Variants in RALGPS1 observed in about 807,000 individuals in gnomAD.
RALGPS1 encodes the protein Ral GEF with PH domain and SH3 binding motif 1.
In RALGPS1, 19 loss-of-function variants were observed where a neutral mutation model predicts 78.8. The observed-to-expected ratio is 0.24, with a 90% CI of 0.17 to 0.35. The LOEUF (loss-of-function observed/expected upper bound fraction) is 0.35, where lower values mean the gene tolerates loss of function less well. Among genes scored for constraint, RALGPS1 ranks in the 10% least tolerant of loss-of-function variants. RALGPS1 has a pLI of 1.00. For synonymous variants in RALGPS1, 228 were observed against 256.3 expected, an observed-to-expected ratio of 0.89 and a Z score of 1.06; for missense variants, 454 against 688.3, an observed-to-expected ratio of 0.66 and a Z score of 3.81.
intron 5 of RALGPS1, among the ~76,000 whole-genome samples, chr9:127,043,451 A>G (rs2047492123): frequency 2.0e-5 from 3 of 152,112 alleles, no homozygotes; most frequent in African/African-American, 7.2e-5. Context: ...TTTCCTAAAA[A>G]TTAATTGAAA....
chr9:127,060,120 G>A lies in RALGPS1; in HGVS notation c.483+7181G>A, dbSNP rs536881908. ...TTGTAATGCCTGCACAGAGAGGAGAGTCCGGCTGCCCACACATGGGGGGCT... is the reference window on the plus strand; with the variant it reads ...TTGTAATGCCTGCACAGAGAGGAGAATCCGGCTGCCCACACATGGGGGGCT... On this transcript the variant is annotated intron_variant, in intron 7 of 18. Transcript: ENST00000259351. 1.1e-4 allele frequency among the ~76,000 whole-genome samples: 17 copies of A among 152,292 alleles called. 1 individual carries two copies. Among genetic ancestry groups the A allele is most frequent in the Middle Eastern group, 3.4e-3 (1 of 294 alleles).
chr9:127,066,533 T>C (rs1460966658), intron 7 of RALGPS1, among the ~76,000 whole-genome samples: 1 of 152,046 alleles, frequency 6.6e-6, no homozygotes, highest in Non-Finnish European at 1.5e-5. Context: ...CCTAGCTACT[T>C]GGGAGGCTGA....
intron 1 of RALGPS1, among the ~76,000 whole-genome samples, chr9:126,933,403 G>A (rs1337168258): frequency 2.6e-5 from 4 of 152,198 alleles, no homozygotes; most frequent in East Asian, 3.9e-4. Flanking sequence ...AGTGTCTGAC[G>A]GGAAAGTAGC....
In RALGPS1 at chr9:127,221,085, C is replaced by A. The variant is rs1189300870; in HGVS notation, c.*2316C>A. The A allele has an allele frequency of 6.6e-6, 1 of 152,300 alleles. No homozygotes were observed. Among genetic ancestry groups the A allele is most frequent in the East Asian group, 1.9e-4 (1 of 5,188 alleles). The allele number at this position is 152,300 out of a possible 1,614,324, so 9.4% of individuals were successfully genotyped here. On this transcript the variant is annotated 3_prime_UTR_variant, in exon 19 of 19. Coordinates refer to ENST00000259351, the MANE Select transcript of RALGPS1 (RefSeq NM_014636.3). ...CTTATAGAAGCAGTAAGAGGCTTGA[C>A]CACGCCGGAAGAGTCCTGGAGCTAA...
intron 8 of RALGPS1, among the ~76,000 whole-genome samples, chr9:127,163,966 T>A (rs2059156493): frequency 6.6e-6 from 1 of 152,224 alleles, no homozygotes; most frequent in South Asian, 2.1e-4. Context: ...CTCCTTGTCA[T>A]TGTCTTCAAA....
At chr9:127,130,568 A>T (rs2056934898) in intron 8 of RALGPS1, among the ~76,000 whole-genome samples, 1 of 152,250 alleles carries the variant, frequency 6.6e-6, no homozygotes, top group Non-Finnish European at 1.5e-5. Flanking sequence ...TGCAGCCTGT[A>T]TATGAAGTCT....
chr9:126,919,884 A>G lies in RALGPS1; in HGVS notation c.-66+4909A>G, dbSNP rs118100718. On this transcript the variant is annotated intron_variant, in intron 1 of 18. Coordinates refer to ENST00000259351, the MANE Select transcript of RALGPS1 (RefSeq NM_014636.3). ...GTGGGCCAGGTCGTGGGAGGCGAGC[A>G]TTGTGTGAGATCACAGAGGCAGGGA... Among the ~76,000 whole-genome samples the G allele has an allele frequency of 3.7e-3, 566 of 152,262 alleles. 1 individual carries two copies. The highest frequency in any genetic ancestry group is 0.02 in the Middle Eastern group (6 of 294).
At chr9:127,141,616 C>CAAAAAA (rs61291398) in intron 8 of RALGPS1, among the ~76,000 whole-genome samples, 22 of 68,656 alleles carry the variant, frequency 3.2e-4, no homozygotes, top group African/African-American at 1.1e-3. Flanking sequence ...TTTTTAATGG[C>CAAAAAA]AAAAAAAAAA....
intron 4 of RALGPS1, among the ~76,000 whole-genome samples, chr9:127,005,324 T>C (rs1280754777): frequency 2.0e-5 from 3 of 152,224 alleles, no homozygotes; most frequent in Non-Finnish European, 4.4e-5. Context: ...AAACAGTTCC[T>C]TTGCCAAGCT....
At chr9:127,104,240 G>A (rs2054006288) in intron 8 of RALGPS1, among the ~76,000 whole-genome samples, 1 of 152,174 alleles carries the variant, frequency 6.6e-6, no homozygotes. Context: ...TTCTGACAAA[G>A]CCCGTCTGTG....
At chr9:127,003,821 GGTAAAAAGTGACT>G (rs2043578454) in intron 4 of RALGPS1, among the ~76,000 whole-genome samples, 1 of 152,104 alleles carries the variant, frequency 6.6e-6, no homozygotes, top group Admixed American at 6.6e-5. Flanking sequence ...CCATCACCTA[GGTAAAAAGTGACT>G]GTATCATTTC....
intron 4 of RALGPS1, among the ~76,000 whole-genome samples, chr9:127,012,572 C>T (rs1433186177): frequency 6.6e-6 from 1 of 152,240 alleles, no homozygotes; most frequent in Non-Finnish European, 1.5e-5. Context: ...TAAGCTGCTG[C>T]TGTTCCGACG....
At chr9:126,999,268 C>G (rs191112376) in intron 4 of RALGPS1, among the ~76,000 whole-genome samples, 199 of 152,172 alleles carry the variant, frequency 1.3e-3, no homozygotes, top group Admixed American at 9.0e-3. Context: ...CAGCCTCCCC[C>G]ACTATCAGCG....
In RALGPS1 at chr9:127,210,190, T is replaced by C. The variant is rs1252451189; in HGVS notation, c.1248-1941T>C. Among the ~76,000 whole-genome samples the C allele has an allele frequency of 3.9e-5, 6 of 152,280 alleles. No individual in the cohort carries two copies. The East Asian group carries it at 9.7e-4, about 25-fold the overall frequency. ...TGCTGCAGCAGGTCACAGAGCGAGTTTGCAGGGGCCTGGCTGGAGCCGCAG... is the reference window on the plus strand; with the variant it reads ...TGCTGCAGCAGGTCACAGAGCGAGTCTGCAGGGGCCTGGCTGGAGCCGCAG... On this transcript the variant is annotated intron_variant, in intron 14 of 18. Coordinates refer to ENST00000259351, the MANE Select transcript of RALGPS1 (RefSeq NM_014636.3).
intron 11 of RALGPS1, among the ~76,000 whole-genome samples, chr9:127,186,706 A>G (rs1216696875): frequency 1.3e-5 from 2 of 152,216 alleles, no homozygotes; most frequent in Admixed American, 6.5e-5. Flanking sequence ...GCTGAGACCC[A>G]GAGCAGGGAG....
chr9:126,990,268 C>G lies in RALGPS1; in HGVS notation c.216+12523C>G, dbSNP rs141729945. ...AGACCATCTCTCTCTGCTACACCAACCTAGTCTAATCCACTGCCATCCCTC... is the reference window on the plus strand; with the variant it reads ...AGACCATCTCTCTCTGCTACACCAAGCTAGTCTAATCCACTGCCATCCCTC... On this transcript the variant is annotated intron_variant, in intron 4 of 18. Transcript: ENST00000259351. 1.3e-3 allele frequency: 563 copies of G among 426,808 alleles called. 2 individuals are homozygous for G. Among genetic ancestry groups the G allele is most frequent in the Non-Finnish European group, 2.2e-3 (514 of 237,982 alleles). 26.4% of individuals were successfully genotyped at this position (426,808 alleles called of 1,614,324 possible).
chr9:126,942,246 A>G (rs115918925), intron 1 of RALGPS1, among the ~76,000 whole-genome samples: 155 of 150,782 alleles, frequency 1.0e-3, no homozygotes, highest in African/African-American at 3.6e-3. Flanking sequence ...AATGTAGCTA[A>G]ATCTACCAGT....
intron 5 of RALGPS1, among the ~76,000 whole-genome samples, chr9:127,046,750 G>A (rs903106200): frequency 3.3e-5 from 5 of 151,686 alleles, no homozygotes; most frequent in African/African-American, 1.2e-4. Flanking sequence ...TGAGGTGGGA[G>A]GATACTCAAG....
intron 14 of RALGPS1, among the ~76,000 whole-genome samples, chr9:127,204,535 C>T (rs2061827220): frequency 1.3e-5 from 2 of 152,052 alleles, no homozygotes; most frequent in Non-Finnish European, 2.9e-5. Flanking sequence ...GCAGTTCAGT[C>T]ATCATGGGAG....
Sources: gnomAD v4.1 joint callset for allele counts (sites outside exome capture counted in the v4.1 genomes callset) on GRCh38, gnomAD v4.1.1 for gene constraint, MANE v1.5 for transcripts, NCBI Gene and HGNC (gene_info 2026-07-23, HGNC 2026-07-21) for gene names.